The following ERI1 variants were observed in gnomAD, a reference collection of about 807,000 sequenced individuals.
ERI1 encodes the protein 3'-5' exoribonuclease 1.
Under a neutral mutation model 39.7 loss-of-function variants are expected in ERI1, and 39 were observed. The ratio of observed to expected loss-of-function variants is 0.98; its 90% CI spans 0.76 to 1.28. The LOEUF (loss-of-function observed/expected upper bound fraction) is 1.28, where lower values mean the gene tolerates loss of function less well. ERI1 is among the 50% of genes most tolerant of loss of function. The probability of loss-of-function intolerance (pLI) is 0.00; values close to 1 mark genes in which losing one functional copy is unlikely to be tolerated. For missense variants in ERI1, 581 were observed against 416.9 expected (o/e 1.39, Z -3.43); for synonymous variants, 204 against 149.6 (o/e 1.36, Z -2.65).
chr8:9,004,406 C>G (rs971293747), intron 1 of ERI1: 1 of 532,742 alleles, frequency 1.9e-6, no homozygotes. Flanking sequence ...TACTTAAGGC[C>G]TAGGTCTCTG....
downstream of ERI1, among the ~76,000 whole-genome samples, chr8:9,037,631 A>G (rs553332196): frequency 1.3e-5 from 2 of 152,248 alleles, no homozygotes; most frequent in Middle Eastern, 3.4e-3. Context: ...GTATCTTGTA[A>G]GGTTAGTACC....
chr8:9,030,440 A>G lies in ERI1; in HGVS notation c.*406A>G, dbSNP rs899468590. On this transcript the variant is annotated 3_prime_UTR_variant, in exon 7 of 7. Coordinates refer to ENST00000250263, the MANE Select transcript of ERI1 (RefSeq NM_153332.4). Reference sequence around the variant, plus strand: ...TGAAACCATATCTTAAAATGCAGAAATGATTGGAAGGTAGATCTTATCTAG... The same window carrying G: ...TGAAACCATATCTTAAAATGCAGAAGTGATTGGAAGGTAGATCTTATCTAG... 7.9e-5 allele frequency: 14 copies of G among 177,198 alleles called. No individual in the cohort carries two copies. The highest frequency in any genetic ancestry group is 1.5e-4 in the Non-Finnish European group (12 of 80,538). The allele number at this position is 177,198 out of a possible 1,614,324, so 11.0% of individuals were successfully genotyped here.
chr8:9,011,315 TAAAA>T (rs1294449666), intron 2 of ERI1, among the ~76,000 whole-genome samples: 3 of 152,092 alleles, frequency 2.0e-5, no homozygotes, highest in African/African-American at 4.8e-5. Context: ...ACTACTAAAA[TAAAA>T]AAAGACTTGT....
intron 3 of ERI1, among the ~76,000 whole-genome samples, chr8:9,012,460 C>T (rs147708010): frequency 3.8e-4 from 58 of 152,328 alleles, no homozygotes; most frequent in African/African-American, 1.3e-3. Context: ...TTGCTACCAA[C>T]CCACTTGGGA....
chr8:9,047,612 T>C (rs1798215011), intron 3 of ERI1, among the ~76,000 whole-genome samples: 1 of 152,006 alleles, frequency 6.6e-6, no homozygotes, highest in African/African-American at 2.4e-5. Context: ...GGTGGGAGGA[T>C]GGCTTGAGCC....
chr8:9,025,693 CTT>C (rs35325273), intron 6 of ERI1, among the ~76,000 whole-genome samples: 34 of 149,700 alleles, frequency 2.3e-4, no homozygotes, highest in African/African-American at 3.4e-4. Flanking sequence ...TCATTTTAAT[CTT>C]TTTTTTTTGT....
intron 3 of ERI1, among the ~76,000 whole-genome samples, chr8:9,065,728 C>CTCCTGAA (rs1285024839): frequency 6.7e-6 from 1 of 149,058 alleles, no homozygotes. Context: ...TGACTCCTGA[C>CTCCTGAA]AATACGTGCA....
At chr8:9,090,255 C>T (rs901254976) in intron 3 of ERI1, among the ~76,000 whole-genome samples, 1 of 151,438 alleles carries the variant, frequency 6.6e-6, no homozygotes, top group South Asian at 2.1e-4. Context: ...GAAGAGGGGC[C>T]GACAGAGAAG....
intron 3 of ERI1, among the ~76,000 whole-genome samples, chr8:9,085,031 A>G (rs746985540): frequency 6.6e-6 from 1 of 152,184 alleles, no homozygotes; most frequent in South Asian, 2.1e-4. Flanking sequence ...AGAAACTTCT[A>G]TAAATTCAGA....
At chr8:9,080,000 A>T (rs930013066) in intron 3 of ERI1, among the ~76,000 whole-genome samples, 10 of 152,084 alleles carry the variant, frequency 6.6e-5, no homozygotes, top group African/African-American at 2.4e-4. Context: ...ACAAAAAAAA[A>T]AAAAAAAAAG....
chr8:9,059,140 A>G (rs1360842549), intron 3 of ERI1, among the ~76,000 whole-genome samples: 1 of 152,126 alleles, frequency 6.6e-6, no homozygotes, highest in East Asian at 1.9e-4. Flanking sequence ...CTGAGCCAGG[A>G]TGAGCCAGGA....
downstream of ERI1, among the ~76,000 whole-genome samples, chr8:9,036,225 G>C (rs1024479345): frequency 2.0e-5 from 3 of 152,156 alleles, no homozygotes; most frequent in African/African-American, 7.2e-5. Context: ...TTTGAAAGAA[G>C]GTCTGTGGAT....
chr8:9,041,948 A>T (rs1376992493), intron 3 of ERI1, among the ~76,000 whole-genome samples: 1 of 152,054 alleles, frequency 6.6e-6, no homozygotes. Context: ...TGGCCAGGCT[A>T]ATCTTGAACT....
chr8:9,008,947 A>C (rs1332767498), intron 2 of ERI1: 3 of 454,042 alleles, frequency 6.6e-6, no homozygotes, highest in East Asian at 1.4e-4. Context: ...AAAAGAGCAC[A>C]AATTTATTAA....
intron 2 of ERI1, chr8:9,009,234 T>C (rs973248195): frequency 5.8e-6 from 2 of 345,142 alleles, no homozygotes; most frequent in African/African-American, 4.3e-5. Context: ...TGTTCCCCAC[T>C]TTGGCAATCT....
At chr8:9,037,844 A>C (rs367742186), downstream of ERI1, among the ~76,000 whole-genome samples, 3 of 151,392 alleles carry the variant, frequency 2.0e-5, no homozygotes, top group East Asian at 2.0e-4. Context: ...AAAGCAAACA[A>C]ATGTTAAGCT....
At chr8:9,022,323 C>T (rs1019118425) in intron 6 of ERI1, among the ~76,000 whole-genome samples, 2 of 152,190 alleles carry the variant, frequency 1.3e-5, no homozygotes, top group Middle Eastern at 6.8e-3. Flanking sequence ...GTGTATTTTA[C>T]TGGTCTATAG....
At position 9,011,740 on chromosome 8, in the gene ERI1, T is replaced by C. The variant is rs768790060; in HGVS notation, c.486T>C (p.His162=). The C allele has an allele frequency of 6.9e-6, 11 of 1,601,124 alleles. No individual in the cohort carries two copies. The Admixed American group carries it at 8.5e-5, about 12-fold the overall frequency. The change falls in exon 3 of 7, where the codon CAT becomes CAC. Residue 162 remains histidine (H), a synonymous_variant. Transcript: ENST00000250263. ...IEFPVVLLNT[H]TLEIEDTFQQ... is the part of the protein sequence containing the mutation. The stretch of plus-strand genomic sequence containing the variant: ...TTCCGGTTGTTTTACTGAATACGCA[T>C]ACTTTAGAAATAGTAAGTGAATTTT...
chr8:9,021,761 ATTTGTTT>A (rs1817920153), intron 6 of ERI1, among the ~76,000 whole-genome samples: 1 of 110,640 alleles, frequency 9.0e-6, no homozygotes, highest in African/African-American at 4.0e-5. Context: ...TGGCTATATT[ATTTGTTT>A]TTTTTGTTTT....
Sources: allele counts gnomAD v4.1 joint callset (sites outside exome capture counted in the v4.1 genomes callset), GRCh38; gene constraint gnomAD v4.1.1; transcripts MANE v1.5; gene names NCBI Gene and HGNC (gene_info 2026-07-23, HGNC 2026-07-21).